DAAM1: variants seen among roughly 807,000 people sequenced by gnomAD.
DAAM1 encodes dishevelled associated activator of morphogenesis 1.
In DAAM1, 52 loss-of-function variants were observed where a neutral mutation model predicts 130.0. That is an observed-to-expected ratio of 0.40 (90% CI 0.32 to 0.50). DAAM1 has a LOEUF of 0.50. DAAM1 is among the 20% of genes least tolerant of loss of function. The probability of loss-of-function intolerance (pLI) is 0.61; values close to 1 mark genes in which losing one functional copy is unlikely to be tolerated. For missense variants in DAAM1, 1,134 were observed against 1,303.8 expected (o/e 0.87, Z 2.01); for synonymous variants, 452 against 444.5 (o/e 1.02, Z -0.21).
At chr14:59,258,906 T>C (rs988360014) in intron 1 of DAAM1, among the ~76,000 whole-genome samples, 1 of 152,354 alleles carries the variant, frequency 6.6e-6, no homozygotes, top group African/African-American at 2.4e-5. Flanking sequence ...TGAAAGGATT[T>C]CAATTAGGTT....
rs555407828 is a variant in DAAM1, at chr14:59,245,060, G to T, written c.-37-18381G>T. ...CTCAGGGAAGGGAAAAGGACGGGGG[G>T]GCCAGGGGAAAGGTGATGTATGTAG... On this transcript the variant is annotated intron_variant, in intron 1 of 24. Coordinates refer to ENST00000360909, the MANE Select transcript of DAAM1 (RefSeq NM_001270520.2). Among the ~76,000 whole-genome samples, 9 of 152,256 alleles carry T rather than the reference G, an allele frequency of 5.9e-5. No homozygotes were observed. The South Asian group carries it at 1.7e-3, about 28-fold the overall frequency.
In DAAM1 at chr14:59,250,592, A is replaced by G. The variant is rs148457123; in HGVS notation, c.-37-12849A>G. 5.4e-3 allele frequency among the ~76,000 whole-genome samples: 819 copies of G among 152,352 alleles called. 11 individuals carry two copies. Among genetic ancestry groups the G allele is most frequent in the African/African-American group, 0.018 (763 of 41,584 alleles). On this transcript the variant is annotated intron_variant, in intron 1 of 24. Coordinates refer to ENST00000360909, the MANE Select transcript of DAAM1 (RefSeq NM_001270520.2). The stretch of plus-strand genomic sequence containing the variant: ...GGCTTGCAAACATCCTTTTTTCAGT[A>G]GGATACTGTCACCTGCATCATGCAC...
At position 59,336,110 on chromosome 14, in the gene DAAM1, T is replaced by C. The variant is rs574104067; in HGVS notation, c.1969-3964T>C. On this transcript the variant is annotated intron_variant, in intron 15 of 24. Transcript: ENST00000360909. ...TCAGATGTGGGGTTTTATATAAATA[T>C]AGTGTTTGAATTTTCCTGGATAGAG... Among the ~76,000 whole-genome samples the C allele has an allele frequency of 4.1e-4, 63 of 152,082 alleles. No homozygotes were observed. The South Asian group carries it at 5.0e-3, about 12-fold the overall frequency.
chr14:59,226,216 T>C (rs559189688), intron 1 of DAAM1, among the ~76,000 whole-genome samples: 81 of 152,340 alleles, frequency 5.3e-4, no homozygotes, highest in African/African-American at 1.9e-3. Flanking sequence ...ACCTACTTCC[T>C]TAGTATATTG....
chr14:59,268,569 A>G (rs748118677), intron 2 of DAAM1, among the ~76,000 whole-genome samples: 2 of 152,202 alleles, frequency 1.3e-5, no homozygotes, highest in Non-Finnish European at 2.9e-5. Flanking sequence ...TCTCCTGAAG[A>G]ACTGAGGACA....
At position 59,243,091 on chromosome 14, in the gene DAAM1, G is replaced by A. The variant is rs535894399; in HGVS notation, c.-37-20350G>A. Among the ~76,000 whole-genome samples, 21 of 152,306 alleles carry A rather than the reference G, an allele frequency of 1.4e-4. No individual in the cohort carries two copies. In the South Asian group the frequency reaches 1.5e-3, roughly 11 times the overall value. On this transcript the variant is annotated intron_variant, in intron 1 of 24. Coordinates refer to ENST00000360909, the MANE Select transcript of DAAM1 (RefSeq NM_001270520.2). ...CTCACCAAAGTTAGGGGGATAGTTA[G>A]TGGTAGGGCTGGGAACTACTTTGAT...
chr14:59,365,915 C>T (rs1044797933), intron 23 of DAAM1, among the ~76,000 whole-genome samples: 1 of 152,094 alleles, frequency 6.6e-6, no homozygotes, highest in Non-Finnish European at 1.5e-5. Flanking sequence ...AACAATTTGA[C>T]ATTGAATATT....
chr14:59,354,448 C>T (rs1886401116), intron 19 of DAAM1, among the ~76,000 whole-genome samples: 1 of 152,160 alleles, frequency 6.6e-6, no homozygotes, highest in Admixed American at 6.5e-5. Flanking sequence ...TGATGCACTG[C>T]CCTAGTCTCG....
At chr14:59,367,840 A>G (rs1334281459) in intron 24 of DAAM1, among the ~76,000 whole-genome samples, 2 of 152,198 alleles carry the variant, frequency 1.3e-5, no homozygotes, top group Non-Finnish European at 1.5e-5. Flanking sequence ...CTTAGCAATT[A>G]TTTTAAAGAA....
chr14:59,353,728 T>C (rs1886370758), intron 18 of DAAM1, 148 bp from the exon 19 acceptor site: 2 of 733,176 alleles, frequency 2.7e-6, no homozygotes, highest in African/African-American at 3.5e-5. Flanking sequence ...CCTGTGTTCC[T>C]GTCCATGAGA....
intron 1 of DAAM1, among the ~76,000 whole-genome samples, chr14:59,248,231 TAC>T (rs1274876775): frequency 6.6e-6 from 1 of 152,240 alleles, no homozygotes; most frequent in Non-Finnish European, 1.5e-5. Flanking sequence ...TTTAGAAAAT[TAC>T]AGAGTTGGGT....
chr14:59,223,311 A>G (rs1277187857), intron 1 of DAAM1, among the ~76,000 whole-genome samples: 2 of 152,214 alleles, frequency 1.3e-5, no homozygotes, highest in Non-Finnish European at 1.5e-5. Context: ...TACCCAATTC[A>G]TGATGGGCAG....
chr14:59,259,424 T>G (rs1181156967), intron 1 of DAAM1, among the ~76,000 whole-genome samples: 1 of 152,214 alleles, frequency 6.6e-6, no homozygotes, highest in Non-Finnish European at 1.5e-5. Context: ...CTGCATGAGC[T>G]GGTCCTTGCC....
At position 59,291,318 on chromosome 14, in the gene DAAM1, A is replaced by G; in HGVS notation, c.273+12A>G. The stretch of plus-strand genomic sequence containing the variant: ...GTAGCAAGAAAAAGGTAAGATTTTC[A>G]TTGTGATTATGGTTAACTGGAAAAT... On this transcript the variant is annotated intron_variant, in intron 3 of 24. Coordinates refer to ENST00000360909, the MANE Select transcript of DAAM1 (RefSeq NM_001270520.2). 4 of 1,582,972 alleles carry G rather than the reference A, an allele frequency of 2.5e-6. No individual in the cohort carries two copies. The highest frequency in any genetic ancestry group is 3.4e-6 in the Non-Finnish European group (4 of 1,160,890).
intron 1 of DAAM1, among the ~76,000 whole-genome samples, chr14:59,232,633 C>CTTTTTTTTT (rs199972715): frequency 1.4e-5 from 2 of 146,694 alleles, no homozygotes; most frequent in African/African-American, 2.5e-5. Context: ...AAAATTTTCT[C>CTTTTTTTTT]TTTTTTTTTT....
intron 1 of DAAM1, among the ~76,000 whole-genome samples, chr14:59,259,405 C>T (rs116784376): frequency 1.3e-5 from 2 of 152,300 alleles, no homozygotes; most frequent in African/African-American, 2.4e-5. Flanking sequence ...GAATGTGGGC[C>T]GTAGGACCCT....
At chr14:59,337,165 G>T (rs1325830936) in intron 15 of DAAM1, among the ~76,000 whole-genome samples, 1 of 152,164 alleles carries the variant, frequency 6.6e-6, no homozygotes, top group African/African-American at 2.4e-5. Context: ...AAAAAAATAG[G>T]TTAAGATGAC....
intron 15 of DAAM1, among the ~76,000 whole-genome samples, chr14:59,335,531 A>T (rs1055480526): frequency 1.3e-5 from 2 of 152,198 alleles, no homozygotes; most frequent in African/African-American, 4.8e-5. Flanking sequence ...TAGATGCTAT[A>T]AATTCATTTC....
intron 15 of DAAM1, 85 bp downstream of exon 15, chr14:59,332,005 A>G (rs569643837): frequency 1.7e-6 from 2 of 1,156,094 alleles, no homozygotes; most frequent in South Asian, 2.8e-5. Context: ...CATGGCCGTG[A>G]TGTGACCGGC....
Sources: gnomAD v4.1 joint callset for allele counts (sites outside exome capture counted in the v4.1 genomes callset) on GRCh38, gnomAD v4.1.1 for gene constraint, MANE v1.5 for transcripts, NCBI Gene and HGNC (gene_info 2026-07-23, HGNC 2026-07-21) for gene names.